The following STK3 variants were observed in gnomAD, a reference collection of about 807,000 sequenced individuals.
STK3 encodes serine/threonine kinase 3.
STK3 carries 41 observed loss-of-function variants against 58.0 expected under a neutral mutation model. The observed-to-expected ratio is 0.71, with a 90% CI of 0.55 to 0.92. The LOEUF (loss-of-function observed/expected upper bound fraction) is 0.92, where lower values mean the gene tolerates loss of function less well. Ranked by LOEUF, STK3 falls within the 40% of genes least tolerant of loss-of-function variation. STK3 has a pLI of 0.00. For missense variants in STK3, 479 were observed against 602.7 expected (o/e 0.79, Z 2.15); for synonymous variants, 170 against 191.0 (o/e 0.89, Z 0.91).
intron 10 of STK3, among the ~76,000 whole-genome samples, chr8:98,469,253 G>C (rs1005141416): frequency 4.0e-5 from 5 of 124,634 alleles, no homozygotes; most frequent in East Asian, 2.8e-4. Flanking sequence ...TTTTCTTTGC[G>C]GGGGCGGGGG....
chr8:98,721,003 A>G (rs1459809905), intron 4 of STK3: 1 of 773,346 alleles, frequency 1.3e-6, no homozygotes, highest in Admixed American at 6.3e-5. Flanking sequence ...AATTTAAATT[A>G]TTTTCAATGG....
chr8:98,676,527 C>T (rs906792771), intron 6 of STK3, among the ~76,000 whole-genome samples: 1 of 151,568 alleles, frequency 6.6e-6, no homozygotes, highest in Non-Finnish European at 1.5e-5. Context: ...GCAGGAGAAT[C>T]GCTTGAACCT....
At chr8:98,635,223 A>G (rs10755897) in intron 6 of STK3, among the ~76,000 whole-genome samples, 38,942 of 152,114 alleles carry the variant, frequency 0.26, 5,568 homozygotes, top group East Asian at 0.41. Context: ...CTATTGTTAA[A>G]TGCTTTAATT....
At chr8:98,807,952 T>C (rs1485623301) in intron 1 of STK3, among the ~76,000 whole-genome samples, 1 of 152,156 alleles carries the variant, frequency 6.6e-6, no homozygotes, top group East Asian at 1.9e-4. Context: ...CCTGACCATG[T>C]TGGAAGGCTG....
At chr8:98,694,347 A>T (rs1372106943) in intron 6 of STK3, among the ~76,000 whole-genome samples, 1 of 151,956 alleles carries the variant, frequency 6.6e-6, no homozygotes, top group East Asian at 1.9e-4. Context: ...TTTTAGGCTA[A>T]AATAATTCTT....
intron 2 of STK3, among the ~76,000 whole-genome samples, chr8:98,376,526 C>G (rs1817676553): frequency 6.6e-6 from 1 of 152,094 alleles, no homozygotes; most frequent in African/African-American, 2.4e-5. Context: ...TCCTATGTTT[C>G]CTTCTCAAAA....
chr8:98,743,992 A>G (rs1338652098), intron 4 of STK3, among the ~76,000 whole-genome samples: 1 of 152,138 alleles, frequency 6.6e-6, no homozygotes, highest in Non-Finnish European at 1.5e-5. Context: ...GCTCACCATC[A>G]CTGGCCATCA....
At position 98,633,331 on chromosome 8, in the gene STK3, T is replaced by C. The variant is rs1057250116; in HGVS notation, c.685-37162A>G. 2.0e-5 allele frequency among the ~76,000 whole-genome samples: 3 copies of C among 152,182 alleles called. No individual in the cohort carries two copies. The East Asian group carries it at 5.8e-4, about 29-fold the overall frequency. Reference sequence around the variant, plus strand: ...GTCTTACATGACACCCTTAAAAATTTGGCTATTAATGGGGAGGATCTTAAG... The same window carrying C: ...GTCTTACATGACACCCTTAAAAATTCGGCTATTAATGGGGAGGATCTTAAG... On this transcript the variant is annotated intron_variant, in intron 6 of 10. Transcript: ENST00000419617.
chr8:98,491,253 T>C, intron 10 of STK3, among the ~76,000 whole-genome samples: 1 of 151,204 alleles, frequency 6.6e-6, no homozygotes, highest in East Asian at 1.9e-4. Context: ...AATCAGACAC[T>C]TATTTTGTAA....
intron 1 of STK3, among the ~76,000 whole-genome samples, chr8:98,914,559 C>T (rs1476905720): frequency 6.6e-6 from 1 of 152,154 alleles, no homozygotes; most frequent in Non-Finnish European, 1.5e-5. Context: ...TTTGTTCACA[C>T]AGGCCCAAAT....
At chr8:98,385,588 G>A (rs1817782557) in intron 1 of STK3, among the ~76,000 whole-genome samples, 1 of 152,052 alleles carries the variant, frequency 6.6e-6, no homozygotes, top group African/African-American at 2.4e-5. Flanking sequence ...GTGCCTGAAT[G>A]GGCAAATGAT....
At chr8:98,553,681 C>T (rs562042808) in intron 8 of STK3, among the ~76,000 whole-genome samples, 4 of 152,112 alleles carry the variant, frequency 2.6e-5, no homozygotes, top group South Asian at 2.1e-4. Flanking sequence ...AATTCTCTTT[C>T]GGCTGGGCAT....
chr8:98,495,903 T>C (rs1823099671), intron 10 of STK3, among the ~76,000 whole-genome samples: 2 of 152,204 alleles, frequency 1.3e-5, no homozygotes, highest in Non-Finnish European at 1.5e-5. Context: ...CAAGTTATCA[T>C]AACCATGGCT....
At chr8:98,485,429 T>C (rs980025498) in intron 10 of STK3, among the ~76,000 whole-genome samples, 5 of 152,218 alleles carry the variant, frequency 3.3e-5, no homozygotes, top group African/African-American at 7.2e-5. Context: ...CTCTAGAAAA[T>C]AGTCAGCAGA....
rs1023121514 is a variant in STK3 at position 98,921,841 on chromosome 8, A to C, written c.-79+20537T>G. On this transcript the variant is annotated intron_variant, in intron 1 of 1. Transcript: ENST00000519420. ...CAAGCACCTGGGACTACAGGTGCGCACCACCAAGCCTGGTTAAGTTTTTGT... is the reference window on the plus strand; with the variant it reads ...CAAGCACCTGGGACTACAGGTGCGCCCCACCAAGCCTGGTTAAGTTTTTGT... Among the ~76,000 whole-genome samples, 77 of 152,024 alleles carry C rather than the reference A, an allele frequency of 5.1e-4. 1 individual carries two copies. The highest frequency in any genetic ancestry group is 4.2e-4 in the South Asian group (2 of 4,818).
intron 9 of STK3, among the ~76,000 whole-genome samples, chr8:98,535,638 C>A (rs1809694380): frequency 2.0e-5 from 3 of 152,124 alleles, no homozygotes; most frequent in Admixed American, 2.0e-4. Flanking sequence ...GGACCTCTAT[C>A]TGAGAAAATT....
chr8:98,824,496 G>A (rs775905594), intron 1 of STK3, among the ~76,000 whole-genome samples: 10 of 152,170 alleles, frequency 6.6e-5, no homozygotes, highest in Non-Finnish European at 1.3e-4. Context: ...TATTAAAACG[G>A]TGCCCAATGA....
intron 6 of STK3, among the ~76,000 whole-genome samples, chr8:98,670,857 C>G (rs1236555852): frequency 6.6e-6 from 1 of 152,160 alleles, no homozygotes; most frequent in African/African-American, 2.4e-5. Flanking sequence ...CCTCATCACC[C>G]TTCAATTGTC....
intron 3 of STK3, among the ~76,000 whole-genome samples, chr8:98,422,753 T>A (rs1193312356): frequency 6.6e-6 from 1 of 152,094 alleles, no homozygotes; most frequent in Non-Finnish European, 1.5e-5. Flanking sequence ...GCAGACCCCA[T>A]CCCTGATACT....
Sources: gnomAD v4.1 joint callset for allele counts (sites outside exome capture counted in the v4.1 genomes callset) on GRCh38, gnomAD v4.1.1 for gene constraint, MANE v1.5 for transcripts, NCBI Gene and HGNC (gene_info 2026-07-23, HGNC 2026-07-21) for gene names.